PRKCB: variants seen among roughly 807,000 people sequenced by gnomAD.
PRKCB encodes protein kinase C beta type.
PRKCB carries 13 observed loss-of-function variants against 81.5 expected under a neutral mutation model. The observed-to-expected ratio is 0.16, with a 90% CI of 0.10 to 0.25. The LOEUF is 0.25. Ranked by LOEUF, PRKCB falls within the 10% of genes least tolerant of loss-of-function variation. PRKCB has a pLI of 1.00. For missense variants in PRKCB, 509 were observed against 875.7 expected, an observed-to-expected ratio of 0.58 and a Z score of 5.29; for synonymous variants, 335 against 321.4, an observed-to-expected ratio of 1.04 and a Z score of -0.45.
intron 2 of PRKCB, among the ~76,000 whole-genome samples, chr16:23,950,132 A>AATTT: frequency 1.0e-5 from 1 of 97,760 alleles, no homozygotes; most frequent in South Asian, 3.4e-4. Context: ...TATGATTTGA[A>AATTT]TTTTTTTTTT....
intron 8 of PRKCB, among the ~76,000 whole-genome samples, chr16:24,120,983 AC>A (rs1162273975): frequency 6.6e-6 from 1 of 152,156 alleles, no homozygotes; most frequent in Non-Finnish European, 1.5e-5. Flanking sequence ...ACTCAGAGTG[AC>A]CTGTTAAATA....
At chr16:24,018,838 C>A (rs1042623016) in intron 3 of PRKCB, among the ~76,000 whole-genome samples, 2 of 152,218 alleles carry the variant, frequency 1.3e-5, no homozygotes, top group African/African-American at 4.8e-5. Context: ...GTCCCCTTTT[C>A]AAATGTGCCA....
intron 9 of PRKCB, among the ~76,000 whole-genome samples, chr16:24,126,383 T>C (rs1966844304): frequency 6.6e-6 from 1 of 152,134 alleles, no homozygotes; most frequent in Non-Finnish European, 1.5e-5. Flanking sequence ...TTTTACAAAT[T>C]AAATGAGCAC....
At chr16:24,168,541 C>CTATTTTTT (rs1967383324) in intron 10 of PRKCB, among the ~76,000 whole-genome samples, 1 of 76,330 alleles carries the variant, frequency 1.3e-5, no homozygotes, top group African/African-American at 3.9e-5. Flanking sequence ...TCTTCTTCTA[C>CTATTTTTT]TTTTTTTTTT....
chr16:23,944,085 C>T (rs570020650), intron 2 of PRKCB, among the ~76,000 whole-genome samples: 3 of 152,182 alleles, frequency 2.0e-5, no homozygotes, highest in South Asian at 2.1e-4. Flanking sequence ...AGAGTCAACA[C>T]GGAAACTGAA....
At chr16:24,082,059 T>A (rs1770856486) in intron 5 of PRKCB, among the ~76,000 whole-genome samples, 1 of 152,148 alleles carries the variant, frequency 6.6e-6, no homozygotes, top group South Asian at 2.1e-4. Context: ...CAAAAATCAA[T>A]TGTATTTCTA....
chr16:23,873,799 A>G (rs927861522), intron 2 of PRKCB, among the ~76,000 whole-genome samples: 1 of 152,214 alleles, frequency 6.6e-6, no homozygotes, highest in Non-Finnish European at 1.5e-5. Flanking sequence ...AGAATTAGCC[A>G]CTGTCAGTAT....
intron 9 of PRKCB, among the ~76,000 whole-genome samples, chr16:24,130,883 T>C (rs1966852377): frequency 6.6e-6 from 1 of 152,150 alleles, no homozygotes. Context: ...ACAATTTGGG[T>C]GGATGACACG....
intron 5 of PRKCB, among the ~76,000 whole-genome samples, chr16:24,047,178 A>G (rs1402693533): frequency 7.2e-6 from 1 of 139,798 alleles, no homozygotes; most frequent in Non-Finnish European, 1.6e-5. Flanking sequence ...CTCTACTAAA[A>G]ATACAAAAAA....
intron 5 of PRKCB, among the ~76,000 whole-genome samples, chr16:24,047,182 CAA>C: frequency 6.7e-6 from 1 of 148,806 alleles, no homozygotes; most frequent in East Asian, 2.0e-4. Flanking sequence ...ACTAAAAATA[CAA>C]AAAAAAAATT....
At chr16:23,913,566 G>A (rs1334180393) in intron 2 of PRKCB, among the ~76,000 whole-genome samples, 4 of 152,174 alleles carry the variant, frequency 2.6e-5, no homozygotes, top group Admixed American at 6.5e-5. Flanking sequence ...TTCTGAGTGC[G>A]GGAGGAGAAT....
intron 5 of PRKCB, among the ~76,000 whole-genome samples, chr16:24,041,542 G>A (rs1486399129): frequency 6.7e-6 from 1 of 149,448 alleles, no homozygotes; most frequent in African/African-American, 2.5e-5. Flanking sequence ...TTTTTTAAAT[G>A]TTTCTCTTTG....
intron 2 of PRKCB, among the ~76,000 whole-genome samples, chr16:23,977,453 A>G (rs1049739462): frequency 3.3e-5 from 5 of 152,138 alleles, no homozygotes; most frequent in African/African-American, 1.2e-4. Flanking sequence ...TTTCATTTTA[A>G]AAGCTCCCTG....
chr16:24,210,223 C>T (rs192864463), intron 16 of PRKCB, among the ~76,000 whole-genome samples: 29 of 152,328 alleles, frequency 1.9e-4, no homozygotes, highest in African/African-American at 6.7e-4. Context: ...ACTGTCCTTA[C>T]ATGGCCATCA....
intron 3 of PRKCB, among the ~76,000 whole-genome samples, chr16:24,023,774 C>T (rs1301274819): frequency 6.6e-6 from 1 of 152,142 alleles, no homozygotes; most frequent in Non-Finnish European, 1.5e-5. Flanking sequence ...GTCCTCTGGG[C>T]CTTTTCCCCC....
In PRKCB at chr16:23,835,986, C is replaced by G. The variant is rs996053363; in HGVS notation, c.-190C>G. On this transcript the variant is annotated 5_prime_UTR_variant, in exon 1 of 17. Transcript: ENST00000643927. ...GCCAGCGGTGCCAAGCGCAGCTGGACGAGCGGCAGCAGCTGGGCGAGTGAC... is the reference window on the plus strand; with the variant it reads ...GCCAGCGGTGCCAAGCGCAGCTGGAGGAGCGGCAGCAGCTGGGCGAGTGAC... 5.1e-6 allele frequency: 1 copy of G among 196,932 alleles called. No homozygotes were observed. Among genetic ancestry groups the G allele is most frequent in the Non-Finnish European group, 9.1e-6 (1 of 109,314 alleles). 12.2% of individuals were successfully genotyped at this position (196,932 alleles called of 1,614,324 possible). A position where few individuals can be genotyped will look rare whatever the true frequency, so the allele number is the denominator to read the frequency against.
At chr16:24,032,355 C>T (rs1971276) in intron 4 of PRKCB, 108 bp downstream of exon 4, 22 of 667,682 alleles carry the variant, frequency 3.3e-5, no homozygotes, top group African/African-American at 2.7e-4. Flanking sequence ...CCCCTGTCCT[C>T]GTTGGGGCTG....
In PRKCB at chr16:23,942,207, T is replaced by C. The variant is rs375748178; in HGVS notation, c.206-46301T>C. The stretch of plus-strand genomic sequence containing the variant: ...CTTGGCAGAAGGCCAGAGGAAGTAC[T>C]GTAGTCCTCTACTACAGAGGGAAGT... On this transcript the variant is annotated intron_variant, in intron 2 of 16. Coordinates refer to ENST00000643927, the MANE Select transcript of PRKCB (RefSeq NM_002738.7). Among the ~76,000 whole-genome samples, 46 of 152,372 alleles carry C rather than the reference T, an allele frequency of 3.0e-4. 2 individuals carry two copies. In the South Asian group the frequency reaches 8.3e-3, roughly 27 times the overall value.
intron 9 of PRKCB, among the ~76,000 whole-genome samples, chr16:24,125,878 G>C (rs891182490): frequency 3.3e-5 from 5 of 152,182 alleles, no homozygotes; most frequent in Non-Finnish European, 7.3e-5. Flanking sequence ...CAGCCAGTAA[G>C]ATGGCCCATC....
Sources: allele counts gnomAD v4.1 joint callset (sites outside exome capture counted in the v4.1 genomes callset), GRCh38; gene constraint gnomAD v4.1.1; transcripts MANE v1.5; gene names NCBI Gene and HGNC (gene_info 2026-07-23, HGNC 2026-07-21).